The following GAN variants were observed in gnomAD, a reference collection of about 807,000 sequenced individuals.
GAN encodes epididymis secretory sperm binding protein.
In GAN, 48 loss-of-function variants were observed where a neutral mutation model predicts 71.3. That is an observed-to-expected ratio of 0.67 (90% CI 0.53 to 0.86). The LOEUF is 0.86. Among genes scored for constraint, GAN ranks in the 40% least tolerant of loss-of-function variants. The pLI, the probability that GAN is intolerant of heterozygous loss-of-function variation, is 0.00. For missense variants in GAN, 928 were observed against 770.1 expected, an observed-to-expected ratio of 1.21 and a Z score of -2.43; for synonymous variants, 386 against 276.8, an observed-to-expected ratio of 1.39 and a Z score of -3.92.
At position 81,380,580 on chromosome 16, in the gene GAN, T is replaced by A. The variant is rs1447202183; in HGVS notation, c.*2984T>A. The A allele has an allele frequency of 6.6e-6, 1 of 152,242 alleles. No homozygotes were observed. Among genetic ancestry groups the A allele is most frequent in the Non-Finnish European group, 1.5e-5 (1 of 68,034 alleles). The allele number at this position is 152,242 out of a possible 1,614,324, so 9.4% of individuals were successfully genotyped here. A position where few individuals can be genotyped will look rare whatever the true frequency, so the allele number is the denominator to read the frequency against. ...AATGAGTGAGTTGTACGTGTGTGTG[T>A]GATGCTATTTGACCTGATAAATGTA... is the stretch of plus-strand genomic sequence containing the variant. On this transcript the variant is annotated 3_prime_UTR_variant, in exon 11 of 11. Coordinates refer to ENST00000648994, the MANE Select transcript of GAN (RefSeq NM_022041.4).
chr16:81,352,099 C>T lies in GAN; in HGVS notation c.282+402C>T, dbSNP rs534007756. On this transcript the variant is annotated intron_variant, in intron 2 of 10. Transcript: ENST00000648994. ...TGTCTCCATAGCATGGAAATAGGAA[C>T]TTCCTGGGGCGTTGTGGATTATTTG... Among the ~76,000 whole-genome samples the T allele has an allele frequency of 2.6e-5, 4 of 152,280 alleles. No homozygotes were observed. In the South Asian group the frequency reaches 8.3e-4, roughly 32 times the overall value.
chr16:81,336,525 A>T (rs768275170), intron 1 of GAN, among the ~76,000 whole-genome samples: 7 of 152,068 alleles, frequency 4.6e-5, no homozygotes, highest in Non-Finnish European at 1.0e-4. Flanking sequence ...GTGCAGTGGC[A>T]TGAGCACAGC....
chr16:81,317,308 G>A (rs762645867), intron 1 of GAN, among the ~76,000 whole-genome samples: 1 of 152,184 alleles, frequency 6.6e-6, no homozygotes, highest in Non-Finnish European at 1.5e-5. Context: ...GTACACAGAC[G>A]CTCAGTTATA....
At chr16:81,342,681 A>G (rs1269201496) in intron 1 of GAN, among the ~76,000 whole-genome samples, 2 of 152,266 alleles carry the variant, frequency 1.3e-5, no homozygotes, top group Non-Finnish European at 2.9e-5. Context: ...AGAAAGCAGG[A>G]CAGATCTAAA....
chr16:81,362,710 G>T, intron 6 of GAN, 99 bp downstream of exon 6: 2 of 762,632 alleles, frequency 2.6e-6, no homozygotes, highest in South Asian at 2.8e-5. Context: ...CGGCAGCCTT[G>T]TCAAGCCACC....
chr16:81,315,897 C>G (rs948139040), intron 1 of GAN, among the ~76,000 whole-genome samples: 2 of 152,260 alleles, frequency 1.3e-5, no homozygotes, highest in African/African-American at 4.8e-5. Context: ...GGGCGAAATT[C>G]TCCTTGCCAA....
chr16:81,362,082 T>G (rs1447627540), intron 5 of GAN, among the ~76,000 whole-genome samples: 2 of 152,132 alleles, frequency 1.3e-5, no homozygotes, highest in East Asian at 1.9e-4. Flanking sequence ...AGATCCTGTT[T>G]TGAATAGAAA....
rs780992142 is a variant in GAN at position 81,379,655 on chromosome 16, G to C, written c.*2059G>C. 2 of 152,166 alleles carry C rather than the reference G, an allele frequency of 1.3e-5. No individual in the cohort carries two copies. The highest frequency in any genetic ancestry group is 4.8e-5 in the African/African-American group (2 of 41,438). 9.4% of individuals were successfully genotyped at this position (152,166 alleles called of 1,614,324 possible). A position where few individuals can be genotyped will look rare whatever the true frequency, so the allele number is the denominator to read the frequency against. ...AGGAAATAGCTGAAAAACTAAATTT[G>C]CTTTGGTGAAATGTCCTGTACAGAA... On this transcript the variant is annotated 3_prime_UTR_variant, in exon 11 of 11. Transcript: ENST00000648994.
chr16:81,332,331 T>A (rs574620650), intron 1 of GAN, among the ~76,000 whole-genome samples: 1 of 152,178 alleles, frequency 6.6e-6, no homozygotes, highest in Non-Finnish European at 1.5e-5. Flanking sequence ...TTTCAGCAAC[T>A]GGGCTTGTGG....
At chr16:81,344,766 T>G (rs893840388) in intron 1 of GAN, among the ~76,000 whole-genome samples, 5 of 151,778 alleles carry the variant, frequency 3.3e-5, no homozygotes, top group Non-Finnish European at 7.4e-5. Context: ...TGGGATCTAA[T>G]TAAAGAACTT....
chr16:81,369,031 C>G (rs1224777129), intron 9 of GAN, among the ~76,000 whole-genome samples: 2 of 152,228 alleles, frequency 1.3e-5, no homozygotes, highest in African/African-American at 4.8e-5. Context: ...TACTCCAGCT[C>G]ACTTTTTAAA....
chr16:81,376,916 A>C (rs1464326031), intron 9 of GAN, among the ~76,000 whole-genome samples: 1 of 152,204 alleles, frequency 6.6e-6, no homozygotes, highest in African/African-American at 2.4e-5. Flanking sequence ...AGAAATAAAC[A>C]GAAATGAATG....
intron 1 of GAN, among the ~76,000 whole-genome samples, chr16:81,337,210 A>G (rs1345992778): frequency 3.3e-5 from 5 of 152,120 alleles, no homozygotes; most frequent in Non-Finnish European, 7.4e-5. Context: ...GTAAATGAAG[A>G]GGCTACACAG....
In GAN at chr16:81,357,473, A is replaced by C. The variant is rs151118819; in HGVS notation, c.852-337A>C. 0.025 allele frequency among the ~76,000 whole-genome samples: 3,745 copies of C among 152,292 alleles called. 80 individuals are homozygous for C. The highest frequency in any genetic ancestry group is 0.083 in the East Asian group (431 of 5,190). On this transcript the variant is annotated intron_variant, in intron 4 of 10. Transcript: ENST00000648994. ...ATGGCTGCATAGTATTCCATGGTGT[A>C]TATGTGCTACATTTTCTTAATCCAG...
chr16:81,366,690 AT>A (rs1483932460), intron 9 of GAN, among the ~76,000 whole-genome samples: 1 of 152,188 alleles, frequency 6.6e-6, no homozygotes. Flanking sequence ...GGAATAGACT[AT>A]CTTAGGAAAA....
intron 9 of GAN, among the ~76,000 whole-genome samples, chr16:81,368,988 C>T (rs1910950910): frequency 6.6e-6 from 1 of 152,200 alleles, no homozygotes. Flanking sequence ...AAAAGTTTCA[C>T]CCTTTTTTAG....
chr16:81,373,740 A>T (rs1399238648), intron 9 of GAN, among the ~76,000 whole-genome samples: 1 of 152,044 alleles, frequency 6.6e-6, no homozygotes, highest in Non-Finnish European at 1.5e-5. Context: ...TTAATCTGTG[A>T]TAGTTCTTCA....
At chr16:81,327,248 G>A (rs747870741) in intron 1 of GAN, among the ~76,000 whole-genome samples, 8 of 152,178 alleles carry the variant, frequency 5.3e-5, no homozygotes, top group Non-Finnish European at 1.2e-4. Flanking sequence ...CAACATTTTG[G>A]AAGGCATTTT....
intron 1 of GAN, among the ~76,000 whole-genome samples, chr16:81,343,921 C>G (rs1290353591): frequency 2.0e-5 from 3 of 152,168 alleles, no homozygotes; most frequent in East Asian, 3.8e-4. Context: ...TCAGCAAAGT[C>G]TCAGGATAGA....
Sources: gnomAD v4.1 joint callset for allele counts (sites outside exome capture counted in the v4.1 genomes callset) on GRCh38, gnomAD v4.1.1 for gene constraint, MANE v1.5 for transcripts, NCBI Gene and HGNC (gene_info 2026-07-23, HGNC 2026-07-21) for gene names.